The following ATP13A3 variants were observed in gnomAD, a reference collection of about 807,000 sequenced individuals.
ATP13A3 encodes ATPase 13A3.
ATP13A3 carries 59 observed loss-of-function variants against 158.1 expected under a neutral mutation model. The observed-to-expected ratio is 0.37, with a 90% confidence interval of 0.30 to 0.46. The LOEUF (loss-of-function observed/expected upper bound fraction) is 0.46, where lower values mean the gene tolerates loss of function less well. Among genes scored for constraint, ATP13A3 ranks in the 20% least tolerant of loss-of-function variants. The pLI, the probability that ATP13A3 is intolerant of heterozygous loss-of-function variation, is 1.00. For missense variants in ATP13A3, 1,166 were observed against 1,525.2 expected, an observed-to-expected ratio of 0.76 and a Z score of 3.92; for synonymous variants, 491 against 504.3, an observed-to-expected ratio of 0.97 and a Z score of 0.35.
In ATP13A3 at chr3:194,402,677, T is replaced by C. The variant is rs923764066; in HGVS notation, c.*3242A>G. The C allele has an allele frequency of 4.6e-5, 7 of 152,200 alleles. No homozygotes were observed. The highest frequency in any genetic ancestry group is 1.0e-4 in the Non-Finnish European group (7 of 68,048). 9.4% of individuals were successfully genotyped at this position (152,200 alleles called of 1,614,324 possible). ...ATAAAGACACAGAAAAAAAGTGTTA[T>C]TTCATTCATTAAAATTTTTATTTTG... On this transcript the variant is annotated 3_prime_UTR_variant, in exon 34 of 34. Coordinates refer to ENST00000645319, the MANE Select transcript of ATP13A3 (RefSeq NM_001367549.1).
At chr3:194,422,493 T>A (rs986594835) in intron 30 of ATP13A3, among the ~76,000 whole-genome samples, 2 of 152,226 alleles carry the variant, frequency 1.3e-5, no homozygotes, top group Non-Finnish European at 2.9e-5. Context: ...TCTAAACAAG[T>A]CATTTACAGT....
At position 194,441,556 on chromosome 3, in the gene ATP13A3, T is replaced by G; in HGVS notation, c.1560-95A>C. The G allele has an allele frequency of 2.7e-6, 3 of 1,115,636 alleles. No homozygotes were observed. The South Asian group carries it at 5.1e-5, about 19-fold the overall frequency. The allele number at this position is 1,115,636 out of a possible 1,614,324, so 69.1% of individuals were successfully genotyped here. A position where few individuals can be genotyped will look rare whatever the true frequency, so the allele number is the denominator to read the frequency against. ...TCTGGTTTTGTAATTAAAAAAAAAA[T>G]CTTTTAAATCCCAATCTGAGCTCCT... On this transcript the variant is annotated intron_variant, in intron 15 of 33. Coordinates refer to ENST00000645319, the MANE Select transcript of ATP13A3 (RefSeq NM_001367549.1).
intron 28 of ATP13A3, 30 bp from the exon 29 acceptor site, chr3:194,427,282 T>C: frequency 6.5e-7 from 1 of 1,550,310 alleles, no homozygotes; most frequent in South Asian, 1.2e-5. Context: ...AGGAAAGGTT[T>C]GTATTTACAT....
At chr3:194,486,462 G>A (rs1053904044) in intron 1 of ATP13A3, 104 bp downstream of exon 1, 5 of 153,086 alleles carry the variant, frequency 3.3e-5, no homozygotes, top group African/African-American at 1.2e-4. Context: ...TCCGGCCCGA[G>A]AAGGCTGGCC....
chr3:194,479,460 AG>A (rs1430554669), intron 2 of ATP13A3, among the ~76,000 whole-genome samples: 1 of 152,150 alleles, frequency 6.6e-6, no homozygotes, highest in African/African-American at 2.4e-5. Flanking sequence ...CATTAAAAAA[AG>A]GAGAAACAAG....
rs139171120 is a variant in ATP13A3, at chr3:194,407,386, T to C, written c.3574-1270A>G. ...ATGATTTAAAAAGGCAAGTTAGCTATAGATGTATTTTGAAACATGTTTCTA... is the reference window on the plus strand; with the variant it reads ...ATGATTTAAAAAGGCAAGTTAGCTACAGATGTATTTTGAAACATGTTTCTA... On this transcript the variant is annotated intron_variant, in intron 33 of 33. Transcript: ENST00000645319. Among the ~76,000 whole-genome samples, 1,112 of 152,346 alleles carry C rather than the reference T, an allele frequency of 7.3e-3. 13 individuals carry two copies. Among genetic ancestry groups the C allele is most frequent in the Middle Eastern group, 0.038 (11 of 292 alleles).
At chr3:194,410,295 G>GC (rs1695852857) in intron 33 of ATP13A3, among the ~76,000 whole-genome samples, 1 of 2,290 alleles carries the variant, frequency 4.4e-4, no homozygotes, top group East Asian at 0.016. Flanking sequence ...CCTCCTCTCT[G>GC]CAAAAAAAAA....
At chr3:194,481,270 T>G (rs892994487) in intron 2 of ATP13A3, among the ~76,000 whole-genome samples, 4 of 150,516 alleles carry the variant, frequency 2.7e-5, no homozygotes, top group Non-Finnish European at 5.9e-5. Flanking sequence ...GAAACCACCC[T>G]TAGACACATA....
intron 2 of ATP13A3, among the ~76,000 whole-genome samples, chr3:194,464,328 A>G (rs1483442156): frequency 6.6e-6 from 1 of 152,222 alleles, no homozygotes; most frequent in African/African-American, 2.4e-5. Context: ...AACCTTACAC[A>G]CTATCGGGTC....
intron 24 of ATP13A3, 157 bp downstream of exon 24, chr3:194,430,786 A>T: frequency 1.9e-6 from 1 of 527,548 alleles, no homozygotes. Context: ...AGACTCTTTT[A>T]AAGCGGCACT....
chr3:194,454,709 G>A (rs887770300), intron 8 of ATP13A3, among the ~76,000 whole-genome samples: 11 of 151,896 alleles, frequency 7.2e-5, no homozygotes, highest in Admixed American at 4.6e-4. Flanking sequence ...GGCGCCTGTA[G>A]TCCCAGCTAC....
intron 10 of ATP13A3, chr3:194,452,781 A>ATT (rs1243604588): frequency 3.9e-5 from 6 of 152,122 alleles, no homozygotes; most frequent in African/African-American, 1.4e-4. Context: ...GCACTTAATC[A>ATT]AAGAAGTCAT....
At position 194,448,356 on chromosome 3, in the gene ATP13A3, G is replaced by A. The variant is rs968827304; in HGVS notation, c.1150+101C>T. The A allele has an allele frequency of 2.3e-5, 32 of 1,375,850 alleles. No homozygotes were observed. Among genetic ancestry groups the A allele is most frequent in the South Asian group, 5.0e-5 (4 of 80,798 alleles). The allele number at this position is 1,375,850 out of a possible 1,614,324, so 85.2% of individuals were successfully genotyped here. ...GCTTCCCAAAGTGCTGGGATTACAG[G>A]CGTTAGCCACAGCACCCAGCCCAGA... is the stretch of plus-strand genomic sequence containing the variant. On this transcript the variant is annotated intron_variant, in intron 12 of 33. Transcript: ENST00000645319. This position sits in a 1 kb window ranked among gnomAD's most constrained non-coding sequence, Gnocchi z 4.0.
intron 2 of ATP13A3, among the ~76,000 whole-genome samples, 194 bp from the exon 3 acceptor site, chr3:194,462,430 A>G (rs538583723): frequency 6.6e-6 from 1 of 152,310 alleles, no homozygotes; most frequent in East Asian, 1.9e-4. Context: ...ACCTCCCATC[A>G]GATCAACAGA....
chr3:194,425,063 C>T (rs141313882), intron 30 of ATP13A3, among the ~76,000 whole-genome samples: 1 of 152,308 alleles, frequency 6.6e-6, no homozygotes, highest in Non-Finnish European at 1.5e-5. Flanking sequence ...CTCCACTTCC[C>T]ATCCTAACTC....
At position 194,459,782 on chromosome 3, in the gene ATP13A3, A is replaced by T. The variant is rs376588462; in HGVS notation, c.408+7T>A. On this transcript the variant is annotated splice_region_variant and intron_variant, in intron 5 of 33. Coordinates refer to ENST00000645319, the MANE Select transcript of ATP13A3 (RefSeq NM_001367549.1). ...TTAAAGAAACTTTGACATTAAGATC[A>T]CAATACCTGTTGTGATTCAGTCTGT... The T allele has an allele frequency of 6.3e-7, 1 of 1,597,982 alleles. No homozygotes were observed. Among genetic ancestry groups the T allele is most frequent in the African/African-American group, 1.3e-5 (1 of 74,506 alleles).
intron 2 of ATP13A3, among the ~76,000 whole-genome samples, chr3:194,477,888 T>C (rs1353186179): frequency 1.3e-5 from 2 of 152,188 alleles, no homozygotes; most frequent in Non-Finnish European, 2.9e-5. Context: ...TCCATTCTTC[T>C]TGGGTTGAAT....
At position 194,436,495 on chromosome 3, in the gene ATP13A3, G is replaced by C. The variant is rs1717645957; in HGVS notation, c.2120+600C>G. The stretch of plus-strand genomic sequence containing the variant: ...AAACTTCTAAAAAATTACATTTACT[G>C]TTCTTGGAATGTGCCTGACACATAG... On this transcript the variant is annotated intron_variant, in intron 20 of 33. Coordinates refer to ENST00000645319, the MANE Select transcript of ATP13A3 (RefSeq NM_001367549.1). Among the ~76,000 whole-genome samples, 6 of 152,314 alleles carry C rather than the reference G, an allele frequency of 3.9e-5. No individual in the cohort carries two copies. In the South Asian group the frequency reaches 1.0e-3, roughly 26 times the overall value.
At chr3:194,455,621 G>A (rs1474214170) in intron 8 of ATP13A3, among the ~76,000 whole-genome samples, 1 of 152,082 alleles carries the variant, frequency 6.6e-6, no homozygotes, top group Non-Finnish European at 1.5e-5. Flanking sequence ...ACTAATTCTT[G>A]AGCTTTAGCC....
Sources: allele counts gnomAD v4.1 joint callset (sites outside exome capture counted in the v4.1 genomes callset), GRCh38; gene constraint gnomAD v4.1.1; non-coding constraint Gnocchi (gnomAD v3.1); transcripts MANE v1.5; gene names NCBI Gene and HGNC (gene_info 2026-07-23, HGNC 2026-07-21).